MYT1L: variants seen among roughly 807,000 people sequenced by gnomAD.
MYT1L encodes myelin transcription factor 1 like, also known as myelin transcription factor 1-like protein.
Under a neutral mutation model 126.7 loss-of-function variants are expected in MYT1L, and 12 were observed. The observed-to-expected ratio is 0.09, with a 90% CI of 0.06 to 0.15. The LOEUF (loss-of-function observed/expected upper bound fraction) is 0.15. MYT1L is among the 10% of genes least tolerant of loss of function. The pLI, the probability that MYT1L is intolerant of heterozygous loss-of-function variation, is 1.00. For synonymous variants in MYT1L, 541 were observed against 604.2 expected (o/e 0.90, Z 1.53); for missense variants, 979 against 1,585.2 (o/e 0.62, Z 6.49).
intron 2 of MYT1L, among the ~76,000 whole-genome samples, chr2:2,266,574 G>C (rs1016916439): frequency 6.6e-6 from 1 of 152,172 alleles, no homozygotes; most frequent in Non-Finnish European, 1.5e-5. Flanking sequence ...GGATATTTAG[G>C]ATGGCACAGG....
intron 3 of MYT1L, among the ~76,000 whole-genome samples, chr2:2,147,205 A>C (rs2085021700): frequency 2.0e-5 from 3 of 152,204 alleles, no homozygotes; most frequent in African/African-American, 7.2e-5. Flanking sequence ...CTCACATCTA[A>C]TGATAATGAA....
chr2:2,147,211 A>G (rs909407206), intron 3 of MYT1L, among the ~76,000 whole-genome samples: 1 of 152,218 alleles, frequency 6.6e-6, no homozygotes, highest in Admixed American at 6.5e-5. Flanking sequence ...TCTAATGATA[A>G]TGAACAGCAC....
intron 2 of MYT1L, among the ~76,000 whole-genome samples, chr2:2,244,188 A>G (rs966904984): frequency 6.6e-6 from 1 of 152,222 alleles, no homozygotes; most frequent in African/African-American, 2.4e-5. Context: ...ACAATCTGGG[A>G]AAATGCTGAC....
intron 2 of MYT1L, among the ~76,000 whole-genome samples, chr2:2,278,201 C>T (rs2095394842): frequency 6.6e-6 from 1 of 152,112 alleles, no homozygotes; most frequent in African/African-American, 2.4e-5. Context: ...GTATATGTAA[C>T]GTGTGACACA....
intron 9 of MYT1L, among the ~76,000 whole-genome samples, chr2:1,924,148 C>T (rs980142013): frequency 1.3e-5 from 2 of 152,114 alleles, no homozygotes; most frequent in Non-Finnish European, 2.9e-5. Context: ...AAGTGTCATG[C>T]TTAATCTCAA....
Position 2,276,470 on chromosome 2 carries a change from GA to G in MYT1L, c.-421+7933del, listed in dbSNP as rs1334369623. On this transcript the variant is annotated intron_variant, in intron 2 of 24. Coordinates refer to ENST00000647738, the MANE Select transcript of MYT1L (RefSeq NM_001303052.2). ...TAAAGTCCTTTTACAACCACACAAA[GA>G]AATGGTTTCAGGAATCCAAGGCTGG... is the stretch of plus-strand genomic sequence containing the variant. Among the ~76,000 whole-genome samples the G allele has an allele frequency of 2.6e-5, 4 of 152,298 alleles. No homozygotes were observed. In the East Asian group the frequency reaches 7.7e-4, roughly 29 times the overall value.
chr2:2,245,587 C>T (rs530063130), intron 2 of MYT1L, among the ~76,000 whole-genome samples: 5 of 151,418 alleles, frequency 3.3e-5, no homozygotes, highest in African/African-American at 7.3e-5. Flanking sequence ...TAGCAGTTTC[C>T]GTGAAATACA....
At chr2:2,232,655 C>T (rs777550157) in intron 2 of MYT1L, among the ~76,000 whole-genome samples, 1 of 152,218 alleles carries the variant, frequency 6.6e-6, no homozygotes, top group Non-Finnish European at 1.5e-5. Context: ...CACGACTCCT[C>T]GGACAAAGGA....
chr2:1,862,751 G>A (rs1349567275), intron 18 of MYT1L, among the ~76,000 whole-genome samples: 1 of 152,204 alleles, frequency 6.6e-6, no homozygotes, highest in Non-Finnish European at 1.5e-5. Flanking sequence ...AGCACCTGCT[G>A]CAAACGCTGC....
chr2:2,025,752 C>T (rs554313691), intron 4 of MYT1L, among the ~76,000 whole-genome samples: 3 of 152,350 alleles, frequency 2.0e-5, no homozygotes, highest in African/African-American at 7.2e-5. Flanking sequence ...GGGACATTAG[C>T]ATACTCATTT....
At chr2:2,206,415 T>C (rs556815641) in intron 2 of MYT1L, among the ~76,000 whole-genome samples, 69 of 152,316 alleles carry the variant, frequency 4.5e-4, no homozygotes, top group African/African-American at 1.4e-3. Context: ...AAAACGTCCA[T>C]GATATTAGAA....
At chr2:2,142,700 T>C (rs1008709029) in intron 3 of MYT1L, among the ~76,000 whole-genome samples, 1 of 152,048 alleles carries the variant, frequency 6.6e-6, no homozygotes, top group Non-Finnish European at 1.5e-5. Flanking sequence ...ATTTTTGTTT[T>C]TTTTGAGAAG....
intron 3 of MYT1L, among the ~76,000 whole-genome samples, chr2:2,103,021 G>A (rs764059740): frequency 1.3e-5 from 2 of 152,074 alleles, no homozygotes; most frequent in African/African-American, 4.8e-5. Context: ...TGTATTTAGC[G>A]CTAATTGAGA....
At chr2:2,091,070 C>T (rs1175252645) in intron 3 of MYT1L, among the ~76,000 whole-genome samples, 1 of 152,206 alleles carries the variant, frequency 6.6e-6, no homozygotes, top group Non-Finnish European at 1.5e-5. Context: ...ACTTCTCCAA[C>T]CTTCTGTTAA....
chr2:1,990,587 T>C (rs1192958714), intron 5 of MYT1L, among the ~76,000 whole-genome samples: 1 of 152,152 alleles, frequency 6.6e-6, no homozygotes, highest in African/African-American at 2.4e-5. Context: ...CTCTTAGCTG[T>C]ATGAGTTCAG....
chr2:2,177,429 A>G (rs2148594882), intron 2 of MYT1L, among the ~76,000 whole-genome samples: 1 of 152,338 alleles, frequency 6.6e-6, no homozygotes, highest in South Asian at 2.1e-4. Flanking sequence ...ATGTGTAGCA[A>G]AGTGACTAGA....
intron 2 of MYT1L, among the ~76,000 whole-genome samples, chr2:2,269,525 C>G (rs910216212): frequency 1.3e-5 from 2 of 152,124 alleles, no homozygotes; most frequent in Non-Finnish European, 2.9e-5. Context: ...AGCCTGGTTC[C>G]CTTGCTGACT....
chr2:2,031,823 G>A (rs2066315077), intron 4 of MYT1L, among the ~76,000 whole-genome samples: 1 of 137,936 alleles, frequency 7.2e-6, no homozygotes, highest in Non-Finnish European at 1.5e-5. Flanking sequence ...ATTCTAGAAG[G>A]AGGGCCTTAC....
At chr2:2,077,414 A>G (rs867480382) in intron 3 of MYT1L, among the ~76,000 whole-genome samples, 12 of 152,238 alleles carry the variant, frequency 7.9e-5, no homozygotes, top group African/African-American at 2.2e-4. Flanking sequence ...AATTAACAAA[A>G]GGCAAAGGCA....
Sources: allele counts gnomAD v4.1 joint callset (sites outside exome capture counted in the v4.1 genomes callset), GRCh38; gene constraint gnomAD v4.1.1; transcripts MANE v1.5; gene names NCBI Gene and HGNC (gene_info 2026-07-23, HGNC 2026-07-21).